Variants in ASS1 observed in about 807,000 individuals in gnomAD.
The protein encoded by ASS1 is argininosuccinate synthase.
In ASS1, 58 loss-of-function variants were observed where a neutral mutation model predicts 60.5. The ratio of observed to expected loss-of-function variants is 0.96; its 90% confidence interval spans 0.78 to 1.19. The LOEUF is 1.19. Ranked by LOEUF, ASS1 falls within the 50% of genes most tolerant of loss-of-function variation. ASS1 has a pLI of 0.00. For missense variants in ASS1, 454 were observed against 547.3 expected, an observed-to-expected ratio of 0.83 and a Z score of 1.70; for synonymous variants, 200 against 206.9, an observed-to-expected ratio of 0.97 and a Z score of 0.29.
At position 130,452,242 on chromosome 9, in the gene ASS1, G is replaced by T. The variant is rs201700775; in HGVS notation, c.14G>T (p.Gly5Val). The T allele has an allele frequency of 3.1e-6, 5 of 1,614,090 alleles. No homozygotes were observed. The South Asian group carries it at 3.3e-5, about 11-fold the overall frequency. MSSK[G>V]SVVLAYSGGL... ...CCGCCAGACGCTATGTCCAGCAAAG[G>T]CTCCGTGGTTCTGGCCTACAGTGGC... Residue 5 changes from glycine to valine, a missense_variant, in exon 2 of 15, where the codon GGC becomes GTC. By Grantham distance (109) the Gly-to-Val change is moderately radical. Coordinates refer to ENST00000352480, the MANE Select transcript of ASS1 (RefSeq NM_054012.4).
In ASS1 at chr9:130,470,423, G is replaced by T. The variant is rs563855640; in HGVS notation, c.496-411G>T. Among the ~76,000 whole-genome samples, 2 of 152,338 alleles carry T rather than the reference G, an allele frequency of 1.3e-5. No individual in the cohort carries two copies. The highest frequency in any genetic ancestry group is 2.4e-5 in the African/African-American group (1 of 41,584). On this transcript the variant is annotated intron_variant, in intron 6 of 14. Coordinates refer to ENST00000352480, the MANE Select transcript of ASS1 (RefSeq NM_054012.4). The surrounding 1 kb of genome is among the most constrained non-coding windows in gnomAD (Gnocchi z 4.3). ...TGTCCTGGGGTCCACAGGAAGCACT[G>T]CCTGGGCTCTGGTGCCAGGTGCCCC...
Position 130,494,834 on chromosome 9 carries a change from C to T in ASS1, c.971-33C>T. On this transcript the variant is annotated intron_variant, in intron 12 of 14. Coordinates refer to ENST00000352480, the MANE Select transcript of ASS1 (RefSeq NM_054012.4). The surrounding 1 kb of genome is among the most constrained non-coding windows in gnomAD (Gnocchi z 4.3). Reference sequence around the variant, plus strand: ...CCTGTGTCCTCGCGGTGCAGGAGGCCTCCCTAGTGGTATCCTGTTTTCCTC... The same window carrying T: ...CCTGTGTCCTCGCGGTGCAGGAGGCTTCCCTAGTGGTATCCTGTTTTCCTC... 1 of 1,613,158 alleles carries T rather than the reference C, an allele frequency of 6.2e-7. No individual in the cohort carries two copies. Among genetic ancestry groups the T allele is most frequent in the Non-Finnish European group, 8.5e-7 (1 of 1,179,732 alleles).
At chr9:130,492,197 C>T (rs1349811484) in intron 12 of ASS1, among the ~76,000 whole-genome samples, 1 of 152,164 alleles carries the variant, frequency 6.6e-6, no homozygotes, top group Non-Finnish European at 1.5e-5. Flanking sequence ...GGAGTCTTGC[C>T]TCTGGCTGGG....
intron 1 of ASS1, among the ~76,000 whole-genome samples, chr9:130,445,394 C>T (rs1486230155): frequency 6.6e-6 from 1 of 152,214 alleles, no homozygotes; most frequent in East Asian, 1.9e-4. Context: ...GGGGGGCTCC[C>T]GATTCTCTCT....
chr9:130,444,723 G>T (rs563156422), upstream of ASS1, among the ~76,000 whole-genome samples: 53 of 152,070 alleles, frequency 3.5e-4, 1 homozygote, highest in South Asian at 0.01. This position sits in a 1 kb window ranked among gnomAD's most constrained non-coding sequence, Gnocchi z 4.7. Context: ...GCGCCCCTGG[G>T]AGGGTGAGCC....
chr9:130,449,381 G>T (rs1046823045), intron 1 of ASS1, among the ~76,000 whole-genome samples: 2 of 151,424 alleles, frequency 1.3e-5, no homozygotes, highest in Admixed American at 6.6e-5. Context: ...GCTCTGATGG[G>T]CAGGAGGCAT....
rs1230950318 is a variant in ASS1, at chr9:130,458,516, G to C, written c.290G>C (p.Cys97Ser). 6.2e-7 allele frequency: 1 copy of C among 1,613,142 alleles called. No individual in the cohort carries two copies. The highest frequency in any genetic ancestry group is 1.1e-5 in the South Asian group (1 of 91,038). ...CTGGGCACCTCTCTTGCCAGGCCCT[G>C]CATCGCCCGCAAACAAGTGGAAATC... is the stretch of plus-strand genomic sequence containing the variant. ...YLLGTSLARP[C>S]IARKQVEIAQ... Residue 97 changes from cysteine to serine, a missense_variant, in exon 4 of 15, where the codon TGC (cysteine) becomes TCC (serine). Physicochemically the swap from Cys to Ser is moderately radical, Grantham distance 112. Transcript: ENST00000352480.
Position 130,470,088 on chromosome 9 carries a change from C to T in ASS1, c.496-746C>T, listed in dbSNP as rs1400404962. Among the ~76,000 whole-genome samples, 3 of 152,050 alleles carry T rather than the reference C, an allele frequency of 2.0e-5. No individual in the cohort carries two copies. The highest frequency in any genetic ancestry group is 2.9e-5 in the Non-Finnish European group (2 of 68,006). On this transcript the variant is annotated intron_variant, in intron 6 of 14. Transcript: ENST00000352480. This position sits in a 1 kb window ranked among gnomAD's most constrained non-coding sequence, Gnocchi z 4.3. ...CAGTCGGGCGTCATCAAGGGTGGTG[C>T]GGGTCCCCAGGGCGACAAGCCTCAT...
Position 130,496,673 on chromosome 9 carries a change from C to T in ASS1, c.1127+1650C>T, listed in dbSNP as rs114798053. On this transcript the variant is annotated intron_variant, in intron 13 of 14. Coordinates refer to ENST00000352480, the MANE Select transcript of ASS1 (RefSeq NM_054012.4). Reference sequence around the variant, plus strand: ...ATTGATGGACCAGGCAGAAGGTGGCCAAGGAGGAGCCCCTGGAGGGGCAGG... The same window carrying T: ...ATTGATGGACCAGGCAGAAGGTGGCTAAGGAGGAGCCCCTGGAGGGGCAGG... Among the ~76,000 whole-genome samples, 899 of 151,408 alleles carry T rather than the reference C, an allele frequency of 5.9e-3. 8 individuals are homozygous for T. The highest frequency in any genetic ancestry group is 0.02 in the African/African-American group (813 of 41,210).
intron 11 of ASS1, among the ~76,000 whole-genome samples, chr9:130,485,724 T>A (rs1846292078): frequency 6.6e-6 from 1 of 152,198 alleles, no homozygotes; most frequent in South Asian, 2.1e-4. Context: ...CAACCCGATA[T>A]GTATCCAGTT....
At position 130,450,455 on chromosome 9, in the gene ASS1, C is replaced by G. The variant is rs1004627104; in HGVS notation, c.-5-1769C>G. On this transcript the variant is annotated intron_variant, in intron 1 of 14. Transcript: ENST00000352480. ...CTGCTGGCTCCAGGGTTAGGGCTGG[C>G]TGAGTCACCAGCAACTCAGGGGCAG... is the stretch of plus-strand genomic sequence containing the variant. 5 of 642,372 alleles carry G rather than the reference C, an allele frequency of 7.8e-6. No individual in the cohort carries two copies. In the South Asian group the frequency reaches 3.5e-4, roughly 44 times the overall value. The allele number at this position is 642,372 out of a possible 1,614,324, so 39.8% of individuals were successfully genotyped here.
In ASS1 at chr9:130,491,921, G is replaced by A. The variant is rs1328293157; in HGVS notation, c.970+2457G>A. 6.6e-6 allele frequency among the ~76,000 whole-genome samples: 1 copy of A among 152,270 alleles called. No homozygotes were observed. The highest frequency in any genetic ancestry group is 1.9e-4 in the East Asian group (1 of 5,164). The stretch of plus-strand genomic sequence containing the variant: ...CAGGCTGACCCCCACAGCTCAGAGG[G>A]CCTGTTTGATGCGATTTTCCCCATG... On this transcript the variant is annotated intron_variant, in intron 12 of 14. Coordinates refer to ENST00000352480, the MANE Select transcript of ASS1 (RefSeq NM_054012.4). The surrounding 1 kb of genome is among the most constrained non-coding windows in gnomAD (Gnocchi z 5.3).
intron 9 of ASS1, 125 bp from the exon 10 acceptor site, chr9:130,479,591 T>C (rs1846114025): frequency 1.2e-6 from 1 of 804,740 alleles, no homozygotes. Context: ...GAAGGAGTCA[T>C]TTGGAGTCCA....
At position 130,453,102 on chromosome 9, in the gene ASS1, C is replaced by G. The variant is rs1188388651; in HGVS notation, c.105+769C>G. On this transcript the variant is annotated intron_variant, in intron 2 of 14. Transcript: ENST00000352480. ...CTCTACTTGGCTTCATTCTTGGCCT[C>G]TCCACAGGGCAGGCAAGGCTCATGG... is the stretch of plus-strand genomic sequence containing the variant. Among the ~76,000 whole-genome samples, 5 of 152,366 alleles carry G rather than the reference C, an allele frequency of 3.3e-5. No individual in the cohort carries two copies. In the South Asian group the frequency reaches 6.2e-4, roughly 19 times the overall value.
chr9:130,490,762 G>A (rs1003635759), intron 12 of ASS1, among the ~76,000 whole-genome samples: 7 of 152,180 alleles, frequency 4.6e-5, no homozygotes, highest in South Asian at 2.1e-4. Context: ...CCCCTGGAGC[G>A]GCAAGGGGAG....
At chr9:130,495,208 G>A (rs771097991) in intron 13 of ASS1, among the ~76,000 whole-genome samples, 185 bp downstream of exon 13, 1 of 152,116 alleles carries the variant, frequency 6.6e-6, no homozygotes, top group South Asian at 2.1e-4. Flanking sequence ...AGAAAGGCAT[G>A]GATCAAACCA....
At position 130,459,980 on chromosome 9, in the gene ASS1, C is replaced by T. The variant is rs1043239629; in HGVS notation, c.363+1391C>T. Reference sequence around the variant, plus strand: ...CCTGACAATGTTGGCAACTGTCAGCCGATGTTTTTATAAAGACCCAAGTCA... The same window carrying T: ...CCTGACAATGTTGGCAACTGTCAGCTGATGTTTTTATAAAGACCCAAGTCA... On this transcript the variant is annotated intron_variant, in intron 4 of 14. Coordinates refer to ENST00000352480, the MANE Select transcript of ASS1 (RefSeq NM_054012.4). This position sits in a 1 kb window ranked among gnomAD's most constrained non-coding sequence, Gnocchi z 4.6. Among the ~76,000 whole-genome samples, 3 of 152,178 alleles carry T rather than the reference C, an allele frequency of 2.0e-5. No individual in the cohort carries two copies. The highest frequency in any genetic ancestry group is 2.1e-4 in the South Asian group (1 of 4,820).
rs546609133 is a variant in ASS1, at chr9:130,466,041, G to A, written c.421-684G>A. ...TGCTCTGAGGGGCTGAGGAGGTGGC[G>A]GGCCCCTTCCATTGCCCTGCACCAC... On this transcript the variant is annotated intron_variant, in intron 5 of 14. Transcript: ENST00000352480. 5.9e-5 allele frequency among the ~76,000 whole-genome samples: 9 copies of A among 152,296 alleles called. No individual in the cohort carries two copies. In the East Asian group the frequency reaches 7.7e-4, roughly 13 times the overall value.
At chr9:130,451,264 G>A (rs554205979) in intron 1 of ASS1, among the ~76,000 whole-genome samples, 24 of 151,984 alleles carry the variant, frequency 1.6e-4, no homozygotes, top group African/African-American at 5.3e-4. Flanking sequence ...GGTGGGGCAG[G>A]ATGGGAGACC....
Sources: allele counts gnomAD v4.1 joint callset (sites outside exome capture counted in the v4.1 genomes callset), GRCh38; gene constraint gnomAD v4.1.1; non-coding constraint Gnocchi (gnomAD v3.1); transcripts MANE v1.5; gene names NCBI Gene and HGNC (gene_info 2026-07-23, HGNC 2026-07-21).